Variants in KIAA1671 observed in about 807,000 individuals in gnomAD.
KIAA1671 encodes the protein uncharacterized protein KIAA1671.
Under a neutral mutation model 131.2 loss-of-function variants are expected in KIAA1671, and 52 were observed. The observed-to-expected ratio is 0.40, with a 90% confidence interval of 0.32 to 0.50. KIAA1671 has a LOEUF of 0.50. Ranked by LOEUF, KIAA1671 falls within the 20% of genes least tolerant of loss-of-function variation. The probability of loss-of-function intolerance (pLI) is 0.73; values close to 1 mark genes in which losing one functional copy is unlikely to be tolerated. For missense variants in KIAA1671, 2,360 were observed against 2,364.2 expected (o/e 1.00, Z 0.04); for synonymous variants, 1,003 against 961.6 (o/e 1.04, Z -0.80).
Position 25,177,412 on chromosome 22 carries a change from G to T in KIAA1671, c.4964G>T (p.Arg1655Leu). 2.6e-6 allele frequency: 4 copies of T among 1,551,734 alleles called. No individual in the cohort carries two copies. Among genetic ancestry groups the T allele is most frequent in the Non-Finnish European group, 2.6e-6 (3 of 1,147,004 alleles). Residue 1655 changes from arginine to leucine, a missense_variant, in exon 9 of 13, where the codon CGC (arginine) becomes CTC (leucine). By Grantham distance (102) the Arg-to-Leu change is moderately radical (BLOSUM62 -2). Around this residue, in one of 3 missense-constraint regions of KIAA1671, gnomAD observed 1,161 missense variants for 1,204.7 expected, o/e 0.96. Transcript: ENST00000358431. Reference sequence around the variant, plus strand: ...GTGCAGCTCAGCAAGAGAAGCCGCCGCCGGGCCCCCATCTCCCACTCCCTC... The same window carrying T: ...GTGCAGCTCAGCAAGAGAAGCCGCCTCCGGGCCCCCATCTCCCACTCCCTC... ...TRVQLSKRSR[R>L]RAPISHSLRR...
At chr22:25,081,594 A>G (rs1306652709) in intron 6 of KIAA1671, among the ~76,000 whole-genome samples, 1 of 146,854 alleles carries the variant, frequency 6.8e-6, no homozygotes, top group East Asian at 2.0e-4. Context: ...CCCTGTTCTA[A>G]CAACAGGGGT....
At chr22:25,047,151 C>CTTTTT in intron 5 of KIAA1671, among the ~76,000 whole-genome samples, 1 of 121,692 alleles carries the variant, frequency 8.2e-6, no homozygotes, top group East Asian at 2.3e-4. Flanking sequence ...TTTTTCTTTT[C>CTTTTT]TTTTTTTTTT....
chr22:25,016,758 A>T (rs997558314), intron 1 of KIAA1671, among the ~76,000 whole-genome samples: 1 of 152,154 alleles, frequency 6.6e-6, no homozygotes, highest in Non-Finnish European at 1.5e-5. Context: ...TTGCAACTAC[A>T]TAGGGGTGAT....
In KIAA1671 at chr22:25,020,600, C is replaced by T. The variant is rs1442709387; in HGVS notation, c.-207-5033C>T. 2.0e-5 allele frequency among the ~76,000 whole-genome samples: 3 copies of T among 152,134 alleles called. No individual in the cohort carries two copies. In the East Asian group the frequency reaches 5.8e-4, roughly 29 times the overall value. ...AAACAGAGGTAGTCACCAGGTATTC[C>T]TCAGTGCTGGGTGAAGGGGAAGCAG... On this transcript the variant is annotated intron_variant, in intron 1 of 12. Transcript: ENST00000358431.
In KIAA1671 at chr22:25,087,532, G is replaced by A. The variant is rs1356345783; in HGVS notation, c.4530+38168G>A. On this transcript the variant is annotated intron_variant, in intron 6 of 12. Transcript: ENST00000358431. ...TAGGAGGCGGAGGTTGCAGTGAGAC[G>A]AGATCACGCCACTGCACTCCTGCCT... 2.6e-5 allele frequency among the ~76,000 whole-genome samples: 4 copies of A among 152,162 alleles called. No homozygotes were observed. In the East Asian group the frequency reaches 5.8e-4, roughly 22 times the overall value.
intron 6 of KIAA1671, among the ~76,000 whole-genome samples, chr22:25,101,281 A>G (rs1389632212): frequency 6.6e-6 from 1 of 152,178 alleles, no homozygotes; most frequent in Non-Finnish European, 1.5e-5. Context: ...ATTTTAGAGA[A>G]GGCCAGGGTT....
intron 1 of KIAA1671, among the ~76,000 whole-genome samples, chr22:24,979,059 G>C (rs992985252): frequency 6.7e-6 from 1 of 148,928 alleles, no homozygotes; most frequent in African/African-American, 2.5e-5. Context: ...GCAGTGGTGC[G>C]ATCTTGCCTC....
intron 6 of KIAA1671, among the ~76,000 whole-genome samples, chr22:25,154,479 A>G (rs1933159916): frequency 6.6e-6 from 1 of 152,234 alleles, no homozygotes; most frequent in Non-Finnish European, 1.5e-5. Context: ...GGTGTTTTCC[A>G]GGGCCTCTGG....
intron 10 of KIAA1671, among the ~76,000 whole-genome samples, chr22:25,184,439 G>T (rs1934401605): frequency 6.6e-6 from 1 of 152,230 alleles, no homozygotes; most frequent in African/African-American, 2.4e-5. Context: ...CACGGCCTGG[G>T]AGAGAGAAGC....
intron 3 of KIAA1671, 60 bp downstream of exon 3, chr22:25,029,600 C>T (rs12330066): frequency 0.12 from 156,966 of 1,273,904 alleles, 10,813 homozygotes; most frequent in South Asian, 0.23. Flanking sequence ...CTGAGGAAGA[C>T]GGAACCAGGC....
chr22:25,102,100 G>C (rs955757809), intron 6 of KIAA1671, among the ~76,000 whole-genome samples: 4 of 152,228 alleles, frequency 2.6e-5, no homozygotes, highest in African/African-American at 7.2e-5. Context: ...CTGAACCAGA[G>C]ATGTCATGGC....
intron 6 of KIAA1671, among the ~76,000 whole-genome samples, chr22:25,067,848 T>C (rs1045284197): frequency 1.3e-5 from 2 of 152,250 alleles, no homozygotes; most frequent in Non-Finnish European, 2.9e-5. Context: ...AGTCATTCAG[T>C]AGGGCAGCCG....
intron 5 of KIAA1671, among the ~76,000 whole-genome samples, chr22:25,047,339 TG>T (rs1927300266): frequency 2.0e-5 from 3 of 151,664 alleles, no homozygotes; most frequent in Admixed American, 6.6e-5. Context: ...TTAGTAGAAA[TG>T]GGGTTTCACC....
At position 25,040,435 on chromosome 22, in the gene KIAA1671, C is replaced by A. The variant is rs1315455379; in HGVS notation, c.3305C>A (p.Thr1102Asn). 7 of 1,552,042 alleles carry A rather than the reference C, an allele frequency of 4.5e-6. No homozygotes were observed. Among genetic ancestry groups the A allele is most frequent in the Middle Eastern group, 1.7e-4 (1 of 5,994 alleles). ...CATGAAAATGCAAGCATTTTAAAAA[C>A]TCTGAAGCCAACAGACCGTCCATCA... is the stretch of plus-strand genomic sequence containing the variant. ...REHENASILK[T>N]LKPTDRPSSL... is the part of the protein sequence containing the mutation. Residue 1102 changes from threonine (T) to asparagine (N), a missense_variant, in exon 5 of 13, where the codon ACT becomes AAT. Physicochemically the swap from Thr to Asn is moderately conservative, Grantham distance 65 (BLOSUM62 0). Transcript: ENST00000358431.
At chr22:25,089,522 C>T (rs1212649509) in intron 6 of KIAA1671, among the ~76,000 whole-genome samples, 1 of 152,030 alleles carries the variant, frequency 6.6e-6, no homozygotes, top group Non-Finnish European at 1.5e-5. Flanking sequence ...GATCCACCCG[C>T]CTCAGCCTCT....
intron 11 of KIAA1671, among the ~76,000 whole-genome samples, chr22:25,187,836 T>C (rs1934529784): frequency 1.3e-5 from 2 of 152,142 alleles, no homozygotes. Context: ...GTGTTCTCAT[T>C]ATAAGAAATT....
rs73405497 is a variant in KIAA1671 at position 25,160,560 on chromosome 22, G to T, written c.4531-10260G>T. 5.5e-3 allele frequency among the ~76,000 whole-genome samples: 836 copies of T among 152,094 alleles called. 9 individuals are homozygous for T. The highest frequency in any genetic ancestry group is 0.019 in the African/African-American group (782 of 41,482). ...TTCTGCTCTCCCTCCTCCACACCAG[G>T]CTTGCACCAACCCCAGAGATGACCG... On this transcript the variant is annotated intron_variant, in intron 6 of 12. Transcript: ENST00000358431.
chr22:24,970,749 A>AAAAC (rs1602034266), intron 1 of KIAA1671, among the ~76,000 whole-genome samples: 1 of 151,584 alleles, frequency 6.6e-6, no homozygotes, highest in Non-Finnish European at 1.5e-5. Flanking sequence ...AAACAAAACA[A>AAAAC]AACTCATAAC....
At chr22:25,075,871 G>C (rs1046205657) in intron 6 of KIAA1671, among the ~76,000 whole-genome samples, 7 of 151,148 alleles carry the variant, frequency 4.6e-5, no homozygotes, top group African/African-American at 9.8e-5. Flanking sequence ...CTCCTCCCGG[G>C]TTCAAGCGAT....
Sources: allele counts gnomAD v4.1 joint callset (sites outside exome capture counted in the v4.1 genomes callset), GRCh38; gene constraint gnomAD v4.1.1; regional missense constraint gnomAD v4.1.1; transcripts MANE v1.5; gene names NCBI Gene and HGNC (gene_info 2026-07-23, HGNC 2026-07-21).